Variants in RARB observed in about 807,000 individuals in gnomAD.
The protein encoded by RARB is retinoic acid receptor beta, also known as HBV-activated protein.
Under a neutral mutation model 51.9 loss-of-function variants are expected in RARB, and 17 were observed. The observed-to-expected ratio is 0.33, with a 90% CI of 0.22 to 0.49. The LOEUF (loss-of-function observed/expected upper bound fraction) is 0.49, where lower values mean the gene tolerates loss of function less well. Among genes scored for constraint, RARB ranks in the 20% least tolerant of loss-of-function variants. The pLI, the probability that RARB is intolerant of heterozygous loss-of-function variation, is 0.99. For missense variants in RARB, 369 were observed against 550.8 expected (o/e 0.67, Z 3.30); for synonymous variants, 215 against 195.4 (o/e 1.10, Z -0.84).
intron 5 of RARB, among the ~76,000 whole-genome samples, chr3:25,249,795 A>T (rs1211288558): frequency 1.6e-5 from 1 of 62,988 alleles, no homozygotes. Flanking sequence ...TTTTTCAGGG[A>T]TGGGGATGTC....
At position 25,440,613 on chromosome 3, in the gene RARB, A is replaced by G. The variant is rs180748014; in HGVS notation, c.157+11725A>G. Among the ~76,000 whole-genome samples, 77 of 151,932 alleles carry G rather than the reference A, an allele frequency of 5.1e-4. 1 individual carries two copies. The highest frequency in any genetic ancestry group is 8.8e-5 in the Non-Finnish European group (6 of 67,994). ...TGGTGAAACCCCGTCTCTACTAAAA[A>G]TACAACAATTAGCTGGGCGTGGTGG... On this transcript the variant is annotated intron_variant, in intron 1 of 7. Transcript: ENST00000330688.
At chr3:25,181,157 A>G (rs991320290) in intron 5 of RARB, among the ~76,000 whole-genome samples, 1 of 152,076 alleles carries the variant, frequency 6.6e-6, no homozygotes, top group East Asian at 1.9e-4. Context: ...GTCTTTAAGG[A>G]TATTGCATTC....
chr3:25,565,163 G>A (rs536850762), intron 3 of RARB, among the ~76,000 whole-genome samples: 9 of 152,248 alleles, frequency 5.9e-5, no homozygotes, highest in Non-Finnish European at 1.3e-4. Flanking sequence ...AGACTCAGAC[G>A]CAGCGGAGCA....
chr3:25,129,985 T>C (rs1334962859), intron 3 of RARB, among the ~76,000 whole-genome samples: 1 of 152,094 alleles, frequency 6.6e-6, no homozygotes, highest in Non-Finnish European at 1.5e-5. Context: ...ATCAAATCTT[T>C]GGATTTGAAA....
At chr3:25,543,108 A>G (rs549687225) in intron 3 of RARB, among the ~76,000 whole-genome samples, 1 of 152,242 alleles carries the variant, frequency 6.6e-6, no homozygotes, top group African/African-American at 2.4e-5. Flanking sequence ...AATGCCACTA[A>G]ACCTCCTGCC....
intron 4 of RARB, among the ~76,000 whole-genome samples, chr3:25,147,128 T>C (rs1197669063): frequency 1.3e-5 from 2 of 152,112 alleles, no homozygotes; most frequent in African/African-American, 4.8e-5. Context: ...TAAAATTCAT[T>C]GGGGGACACA....
At chr3:24,842,044 T>A (rs77797473) in intron 1 of RARB, among the ~76,000 whole-genome samples, 8,449 of 152,236 alleles carry the variant, frequency 0.055, 355 homozygotes, top group East Asian at 0.21. Context: ...TAATGATGCA[T>A]TAAGAATTCT....
chr3:25,083,202 T>G (rs1699042604), intron 3 of RARB, among the ~76,000 whole-genome samples: 1 of 152,120 alleles, frequency 6.6e-6, no homozygotes, highest in South Asian at 2.1e-4. Flanking sequence ...TATTCTGATA[T>G]AATTTTATGG....
chr3:25,546,251 C>T (rs1300317842), intron 3 of RARB, among the ~76,000 whole-genome samples: 1 of 152,144 alleles, frequency 6.6e-6, no homozygotes, highest in Non-Finnish European at 1.5e-5. Flanking sequence ...TGTGCGAATT[C>T]CAGCTTTTCT....
intron 4 of RARB, among the ~76,000 whole-genome samples, chr3:25,154,324 G>T (rs1042290764): frequency 1.3e-5 from 2 of 152,192 alleles, no homozygotes; most frequent in African/African-American, 4.8e-5. Context: ...ACCGTTATTT[G>T]CTTGGTTTAT....
At chr3:24,881,446 G>A (rs1390020571) in intron 2 of RARB, among the ~76,000 whole-genome samples, 2 of 152,112 alleles carry the variant, frequency 1.3e-5, no homozygotes, top group Admixed American at 1.3e-4. Context: ...ATTCAGAAGA[G>A]CTTTTTAAAA....
intron 4 of RARB, among the ~76,000 whole-genome samples, chr3:25,571,633 T>C (rs1700716004): frequency 6.6e-6 from 1 of 152,228 alleles, no homozygotes; most frequent in Non-Finnish European, 1.5e-5. Context: ...AAGTGGAATG[T>C]GACCCCATGT....
At chr3:25,243,632 A>C (rs1364370253) in intron 5 of RARB, among the ~76,000 whole-genome samples, 1 of 152,174 alleles carries the variant, frequency 6.6e-6, no homozygotes, top group Non-Finnish European at 1.5e-5. Context: ...TGTATGTTGA[A>C]ACAGCCTTGC....
At chr3:25,173,465 G>T (rs1700681660) in intron 4 of RARB, among the ~76,000 whole-genome samples, 1 of 152,102 alleles carries the variant, frequency 6.6e-6, no homozygotes, top group Admixed American at 6.6e-5. Context: ...TGTGAAAGAT[G>T]TTGATAATAA....
chr3:24,972,473 T>C (rs1034572261), intron 2 of RARB, among the ~76,000 whole-genome samples: 5 of 152,044 alleles, frequency 3.3e-5, no homozygotes, highest in African/African-American at 9.7e-5. Flanking sequence ...ATTTCTTTGC[T>C]ATATTGATTT....
exon 5 of RARB, chr3:25,174,564 C>G: frequency 7.4e-7 from 1 of 1,352,100 alleles, no homozygotes; most frequent in Non-Finnish European, 9.8e-7. Context: ...TGCAGCACCC[C>G]GTCGCCGGCA....
At chr3:24,991,579 G>A (rs1216195225) in intron 2 of RARB, among the ~76,000 whole-genome samples, 3 of 151,712 alleles carry the variant, frequency 2.0e-5, no homozygotes, top group Non-Finnish European at 2.9e-5. Context: ...TTGATCTTTC[G>A]GCATCCTTGT....
intron 2 of RARB, among the ~76,000 whole-genome samples, chr3:25,004,931 G>C (rs549768207): frequency 6.6e-5 from 10 of 152,198 alleles, no homozygotes; most frequent in African/African-American, 2.2e-4. Context: ...CTCCATTCCT[G>C]TTCCTTTCAG....
At chr3:25,465,778 T>C (rs1695399905) in intron 2 of RARB, among the ~76,000 whole-genome samples, 2 of 152,160 alleles carry the variant, frequency 1.3e-5, no homozygotes, top group Non-Finnish European at 2.9e-5. Flanking sequence ...AAAAGGAATG[T>C]GCAGTGTGGT....
Sources: gnomAD v4.1 joint callset for allele counts (sites outside exome capture counted in the v4.1 genomes callset) on GRCh38, gnomAD v4.1.1 for gene constraint, MANE v1.5 for transcripts, NCBI Gene and HGNC (gene_info 2026-07-23, HGNC 2026-07-21) for gene names.